Variants in DIP2C observed in about 807,000 individuals in gnomAD.
DIP2C encodes DIP2 acetate--CoA ligase C (putative), also known as disco-interacting protein 2 homolog C.
Under a neutral mutation model 192.4 loss-of-function variants are expected in DIP2C, and 33 were observed. That is an observed-to-expected ratio of 0.17 (90% CI 0.13 to 0.23). The LOEUF is 0.23. DIP2C is among the 10% of genes least tolerant of loss of function. DIP2C has a pLI of 1.00. For synonymous variants in DIP2C, 979 were observed against 864.1 expected (o/e 1.13, Z -2.33); for missense variants, 1,537 against 2,110.1 (o/e 0.73, Z 5.32).
chr10:626,978 A>G (rs1463731316), intron 1 of DIP2C, among the ~76,000 whole-genome samples: 1 of 152,254 alleles, frequency 6.6e-6, no homozygotes, highest in Non-Finnish European at 1.5e-5. Flanking sequence ...ACGCAGTATC[A>G]GTGCCTTGTG....
At chr10:585,271 G>A (rs1850948376) in intron 1 of DIP2C, among the ~76,000 whole-genome samples, 4 of 152,156 alleles carry the variant, frequency 2.6e-5, no homozygotes, top group African/African-American at 9.7e-5. Context: ...TCTCTCCCTG[G>A]GACACCAGCG....
chr10:470,313 A>G (rs1970527951), intron 3 of DIP2C, among the ~76,000 whole-genome samples: 1 of 152,190 alleles, frequency 6.6e-6, no homozygotes, highest in East Asian at 1.9e-4. Flanking sequence ...GGAGAAATGA[A>G]CCGTGCTTCT....
intron 4 of DIP2C, chr10:437,502 A>C (rs1209208816): frequency 2.6e-5 from 4 of 152,342 alleles, no homozygotes; most frequent in Non-Finnish European, 5.9e-5. Flanking sequence ...CACGGTCTGC[A>C]GGTGTTCTCC....
chr10:319,431 A>C (rs12770422), intron 31 of DIP2C, among the ~76,000 whole-genome samples: 20,726 of 152,004 alleles, frequency 0.14, 1,488 homozygotes, highest in East Asian at 0.2. Flanking sequence ...TAATAAATAA[A>C]CAACCGCGGT....
intron 16 of DIP2C, among the ~76,000 whole-genome samples, chr10:383,267 G>A (rs1173380059): frequency 1.3e-5 from 2 of 152,192 alleles, no homozygotes; most frequent in South Asian, 2.1e-4. Flanking sequence ...TATAAGTGAA[G>A]ACTGTTTATA....
Position 329,474 on chromosome 10 carries a change from G to T in DIP2C, c.3712C>A (p.Leu1238Met). The T allele has an allele frequency of 6.2e-7, 1 of 1,614,164 alleles. No homozygotes were observed. Among genetic ancestry groups the T allele is most frequent in the South Asian group, 1.1e-5 (1 of 91,084 alleles). ...DTFCSYSVME[L>M]CTKGLGSQTE... ...TGCGAGCCCAGCCCCTTGGTGCACA[G>T]CTCCATCACGGAGTAGGAGCAAAAC... The change falls in exon 30 of 37, where the codon CTG becomes ATG. Residue 1238 changes from leucine to methionine, a missense_variant. By Grantham distance (15) the Leu-to-Met change is conservative. Around this residue, in one of 4 missense-constraint regions of DIP2C, gnomAD observed 341 missense variants for 551.7 expected, o/e 0.62. Coordinates refer to ENST00000280886, the MANE Select transcript of DIP2C (RefSeq NM_014974.3).
At chr10:599,725 C>T (rs1851934963) in intron 1 of DIP2C, among the ~76,000 whole-genome samples, 1 of 151,638 alleles carries the variant, frequency 6.6e-6, no homozygotes, top group South Asian at 2.1e-4. Context: ...TCAACTGCAA[C>T]CCTCATGTCC....
In DIP2C at chr10:399,238, C is replaced by A. The variant is rs574468332; in HGVS notation, c.1150-19G>T. ...GTGCCACCTGTGGGACAGGCCAGAG[C>A]GGGTCAGCATTAACGTGGGGTCCTG... On this transcript the variant is annotated intron_variant, in intron 9 of 36. Coordinates refer to ENST00000280886, the MANE Select transcript of DIP2C (RefSeq NM_014974.3). 1.3e-5 allele frequency: 21 copies of A among 1,609,944 alleles called. No individual in the cohort carries two copies. The South Asian group carries it at 1.9e-4, about 14-fold the overall frequency.
intron 1 of DIP2C, among the ~76,000 whole-genome samples, chr10:533,122 T>C (rs1284045039): frequency 6.6e-6 from 1 of 152,180 alleles, no homozygotes; most frequent in African/African-American, 2.4e-5. Flanking sequence ...TGAATCTCAA[T>C]TCTGTCCATT....
At chr10:334,215 G>A (rs1473282838) in intron 29 of DIP2C, among the ~76,000 whole-genome samples, 1 of 136,006 alleles carries the variant, frequency 7.4e-6, no homozygotes, top group African/African-American at 2.7e-5. Flanking sequence ...GCTGAGGCAG[G>A]AGAATCACTT....
chr10:649,337 G>A (rs1046100686), intron 1 of DIP2C, among the ~76,000 whole-genome samples: 7 of 152,052 alleles, frequency 4.6e-5, no homozygotes, highest in African/African-American at 1.7e-4. Flanking sequence ...TGGATGGTGG[G>A]AGAGAACAGG....
intron 2 of DIP2C, among the ~76,000 whole-genome samples, chr10:480,544 G>A (rs535231743): frequency 2.0e-5 from 3 of 152,324 alleles, no homozygotes; most frequent in South Asian, 2.1e-4. Context: ...CATCAGGACC[G>A]GGCCTTCACG....
chr10:532,953 C>T (rs551947005), intron 1 of DIP2C, among the ~76,000 whole-genome samples: 15 of 152,128 alleles, frequency 9.9e-5, no homozygotes, highest in Non-Finnish European at 1.9e-4. Flanking sequence ...ACCACTCCTA[C>T]TTAATTTTTT....
intron 4 of DIP2C, among the ~76,000 whole-genome samples, chr10:438,346 T>C (rs2133255547): frequency 6.6e-6 from 1 of 152,322 alleles, no homozygotes; most frequent in South Asian, 2.1e-4. Context: ...AAATAACCGG[T>C]TAGTGCCAAG....
chr10:357,748 TGTCGGGGATGGTCGCAGATG>T, intron 23 of DIP2C, 60 bp downstream of exon 23: 1 of 1,071,242 alleles, frequency 9.3e-7, no homozygotes, highest in Non-Finnish European at 1.4e-6. Flanking sequence ...AGTCGGGTAC[TGTCGGGGATGGTCGCAGATG>T]GTCGGGGACA....
Position 281,232 on chromosome 10 carries a change from C to T in DIP2C, c.4386G>A (p.Ser1462=), listed in dbSNP as rs146388855. 8.5e-5 allele frequency: 137 copies of T among 1,614,134 alleles called. No individual in the cohort carries two copies. The African/African-American group carries it at 1.5e-3, about 17-fold the overall frequency. The change falls in exon 36 of 37, where the codon TCG becomes TCA. Residue 1462 remains serine (S), a synonymous_variant. Transcript: ENST00000280886. ...MRYHPIDIET[S]VIRAHKSVTE... is the part of the protein sequence containing the mutation. ...TAACGCTTTTATGGGCTCTGATGAC[C>T]GAGGTCTCAATGTCGATTGGGTGGT...
chr10:619,321 C>G (rs1415957978), intron 1 of DIP2C, among the ~76,000 whole-genome samples: 2 of 152,226 alleles, frequency 1.3e-5, no homozygotes, highest in East Asian at 1.9e-4. Flanking sequence ...GAATCCAAAA[C>G]AGGTCCCACC....
At chr10:359,020 T>TGCTGCA (rs1959193065) in intron 22 of DIP2C, among the ~76,000 whole-genome samples, 1 of 152,148 alleles carries the variant, frequency 6.6e-6, no homozygotes, top group Admixed American at 6.5e-5. Context: ...CCAGGCCACA[T>TGCTGCA]GCTGCATTAG....
At chr10:507,292 C>CA (rs1365312509) in intron 1 of DIP2C, among the ~76,000 whole-genome samples, 4 of 141,410 alleles carry the variant, frequency 2.8e-5, no homozygotes, top group African/African-American at 1.1e-4. Context: ...TATGAGGTTA[C>CA]AGACCTAGTC....
Sources: gnomAD v4.1 joint callset for allele counts (sites outside exome capture counted in the v4.1 genomes callset) on GRCh38, gnomAD v4.1.1 for gene constraint, gnomAD v4.1.1 regional missense constraint, MANE v1.5 for transcripts, NCBI Gene and HGNC (gene_info 2026-07-23, HGNC 2026-07-21) for gene names.